BDP1: variants seen among roughly 807,000 people sequenced by gnomAD.
The protein encoded by BDP1 is BDP1 general transcription factor IIIB subunit, also known as transcription factor TFIIIB component B'' homolog.
A neutral mutation model predicts 266.6 loss-of-function variants in BDP1; 169 were observed. The ratio of observed to expected loss-of-function variants is 0.63; its 90% CI spans 0.56 to 0.72. BDP1 has a LOEUF of 0.72. BDP1 is among the 30% of genes least tolerant of loss of function. BDP1 has a pLI of 0.00. For synonymous variants in BDP1, 1,090 were observed against 1,022.4 expected (o/e 1.07, Z -1.26); for missense variants, 3,015 against 3,053.8 (o/e 0.99, Z 0.30).
In BDP1 at chr5:71,553,156, G is replaced by C. The variant is rs200098601; in HGVS notation, c.7036G>C (p.Gly2346Arg). 1,819 of 1,612,916 alleles carry C rather than the reference G, an allele frequency of 1.1e-3. 1 individual carries two copies. The highest frequency in any genetic ancestry group is 1.5e-3 in the Non-Finnish European group (1,714 of 1,179,936). The change falls in exon 35 of 39, where the codon GGT becomes CGT. Residue 2346 changes from glycine (G) to arginine (R), a missense_variant. Coordinates refer to ENST00000358731, the MANE Select transcript of BDP1 (RefSeq NM_018429.3). ...PATSVGQDAM[G>R]LSISGRDNSK... ...AACTTCAGTTGGTCAAGATGCCATG[G>C]GTTTATCTATTTCTGGAAGAGATAA...
At chr5:71,532,277 AAAATG>A (rs1452588000) in intron 25 of BDP1, 26 bp from the exon 26 acceptor site, 6 of 1,606,586 alleles carry the variant, frequency 3.7e-6, no homozygotes, top group Non-Finnish European at 3.4e-6. Context: ...ATAATATGCC[AAAATG>A]AAATGATAAA....
chr5:71,541,998 T>G, intron 29 of BDP1, 107 bp from the exon 30 acceptor site: 1 of 843,504 alleles, frequency 1.2e-6, no homozygotes, highest in Admixed American at 3.2e-5. Flanking sequence ...TTGTAGACAG[T>G]GTGGCACCTA....
chr5:71,541,806 A>G, intron 29 of BDP1, 124 bp downstream of exon 29: 1 of 641,178 alleles, frequency 1.6e-6, no homozygotes, highest in Non-Finnish European at 2.5e-6. Context: ...AGATAGACTG[A>G]TTTTGATTTT....
rs276596 is a variant in BDP1, at chr5:71,550,466, A to T, written c.6995+860A>T. 8.4e-4 allele frequency among the ~76,000 whole-genome samples: 103 copies of T among 122,800 alleles called. 2 individuals carry two copies. Among genetic ancestry groups the T allele is most frequent in the South Asian group, 1.7e-3 (6 of 3,600 alleles). 80.6% of individuals were successfully genotyped at this position (122,800 alleles called of 152,430 possible). A position where few individuals can be genotyped will look rare whatever the true frequency, so the allele number is the denominator to read the frequency against. On this transcript the variant is annotated intron_variant, in intron 34 of 38. Transcript: ENST00000358731. ...ACTGTGGTTAGCTAATTAAAAAAAA[A>T]TTTTTTTTTTCTTTTTTCAGAGGTA...
chr5:71,487,140 G>T (rs556772835), intron 9 of BDP1, among the ~76,000 whole-genome samples: 1 of 152,122 alleles, frequency 6.6e-6, no homozygotes, highest in Non-Finnish European at 1.5e-5. Context: ...GGTCTATAAG[G>T]ACAATGTTTA....
intron 7 of BDP1, among the ~76,000 whole-genome samples, chr5:71,474,408 C>T (rs1370971221): frequency 6.6e-6 from 1 of 151,884 alleles, no homozygotes; most frequent in East Asian, 1.9e-4. Flanking sequence ...CTGCAAACTC[C>T]ACCTCCCAGG....
At chr5:71,525,592 A>AC (rs1338466068) in intron 25 of BDP1, among the ~76,000 whole-genome samples, 4 of 55,500 alleles carry the variant, frequency 7.2e-5, no homozygotes, top group Admixed American at 1.7e-4. Context: ...CGGGGGGCTG[A>AC]CCCCCCAACC....
rs952662945 is a variant in BDP1 at position 71,524,436 on chromosome 5, A to G, written c.5772+113A>G. The G allele has an allele frequency of 2.6e-6, 3 of 1,140,606 alleles. No homozygotes were observed. The African/African-American group carries it at 4.7e-5, about 18-fold the overall frequency. 70.7% of individuals were successfully genotyped at this position (1,140,606 alleles called of 1,614,324 possible). On this transcript the variant is annotated intron_variant, in intron 25 of 38. Coordinates refer to ENST00000358731, the MANE Select transcript of BDP1 (RefSeq NM_018429.3). ...GTGATTATTAGGATTTGAAGAGTTC[A>G]TTCTCTAAATAACCTCTACCAAATA...
intron 34 of BDP1, among the ~76,000 whole-genome samples, chr5:71,549,868 A>C (rs1297279652): frequency 6.6e-6 from 1 of 152,260 alleles, no homozygotes; most frequent in Non-Finnish European, 1.5e-5. Flanking sequence ...AACAGTCTAG[A>C]TCATAAAATG....
At chr5:71,475,615 G>A (rs1190163314) in intron 7 of BDP1, 1 of 152,262 alleles carries the variant, frequency 6.6e-6, no homozygotes, top group Admixed American at 6.5e-5. Context: ...AACCAGGATT[G>A]GTCACACCTT....
At chr5:71,488,949 C>T (rs1294715052) in intron 9 of BDP1, among the ~76,000 whole-genome samples, 2 of 151,690 alleles carry the variant, frequency 1.3e-5, no homozygotes, top group Non-Finnish European at 2.9e-5. Flanking sequence ...CTCAGATGAT[C>T]CACCCTCCTC....
the BDP1 span, among the ~76,000 whole-genome samples, chr5:71,576,284 G>A: frequency 3.3e-5 from 5 of 152,148 alleles, no homozygotes; most frequent in Non-Finnish European, 7.3e-5. Context: ...AGGAGCATGG[G>A]CTCCAGGACC....
chr5:71,502,812 T>C, intron 15 of BDP1, 21 bp downstream of exon 15: 2 of 1,595,666 alleles, frequency 1.3e-6, no homozygotes, highest in Non-Finnish European at 1.7e-6. Flanking sequence ...TGATTCCTCC[T>C]CACATTTTTG....
At chr5:71,474,653 G>T (rs1404143797) in intron 7 of BDP1, among the ~76,000 whole-genome samples, 2 of 151,494 alleles carry the variant, frequency 1.3e-5, no homozygotes, top group Non-Finnish European at 2.9e-5. Flanking sequence ...TCCAAGACCA[G>T]CCTGGCCAAC....
At position 71,495,373 on chromosome 5, in the gene BDP1, A is replaced by C; in HGVS notation, c.1764A>C (p.Ile588=). 6.3e-7 allele frequency: 1 copy of C among 1,586,020 alleles called. No individual in the cohort carries two copies. Among genetic ancestry groups the C allele is most frequent in the Non-Finnish European group, 8.6e-7 (1 of 1,165,934 alleles). The part of the protein sequence containing the change: ...CEVNNAEGSC[I]EERNVDLKNN... Reference sequence around the variant, plus strand: ...TGAATAATGCTGAGGGTAGTTGTATAGAAGAAAGAAATGTTGACCTAAAAA... The same window carrying C: ...TGAATAATGCTGAGGGTAGTTGTATCGAAGAAAGAAATGTTGACCTAAAAA... The change falls in exon 12 of 39, where the codon ATA becomes ATC. Residue 588 remains isoleucine (I), a synonymous_variant. Transcript: ENST00000358731.
Position 71,510,662 on chromosome 5 carries a change from T to G in BDP1, c.3570T>G (p.Ile1190Met). 3 of 1,584,894 alleles carry G rather than the reference T, an allele frequency of 1.9e-6. No homozygotes were observed. Among genetic ancestry groups the G allele is most frequent in the Non-Finnish European group, 2.6e-6 (3 of 1,162,244 alleles). ...GSSREKTREV[I>M]DAAEVIETDL... ...CAAGGGAGAAGACACGAGAGGTGAT[T>G]GATGCTGCTGAGGTAATAGAGACAG... The change falls in exon 17 of 39, where the codon ATT (isoleucine) becomes ATG (methionine). Residue 1190 changes from isoleucine to methionine, a missense_variant. Coordinates refer to ENST00000358731, the MANE Select transcript of BDP1 (RefSeq NM_018429.3).
chr5:71,525,175 C>T (rs1159043806), intron 25 of BDP1, among the ~76,000 whole-genome samples: 3 of 152,104 alleles, frequency 2.0e-5, no homozygotes, highest in Admixed American at 6.5e-5. Flanking sequence ...GGGTGGTGGC[C>T]GGGCAGAGGG....
chr5:71,491,116 C>G lies in BDP1; in HGVS notation c.1625C>G (p.Pro542Arg). 1 of 1,613,640 alleles carries G rather than the reference C, an allele frequency of 6.2e-7. No homozygotes were observed. The highest frequency in any genetic ancestry group is 8.5e-7 in the Non-Finnish European group (1 of 1,179,798). The change falls in exon 11 of 39, where the codon CCC becomes CGC. Residue 542 changes from proline to arginine, a missense_variant. Physicochemically the swap from Pro to Arg is moderately radical, Grantham distance 103. Around this residue, in one of 3 missense-constraint regions of BDP1, gnomAD observed 2,383 missense variants for 2,404.9 expected, o/e 0.99. Transcript: ENST00000358731. ...GAAAAAGTTGAGAAAAGAACTGACCCCATCCTTTCATTAAGGTATTTTCTG... is the reference window on the plus strand; with the variant it reads ...GAAAAAGTTGAGAAAAGAACTGACCGCATCCTTTCATTAAGGTATTTTCTG... Reference protein sequence around the residue: ...STEKVEKRTDPILSLSNQQDA... With the variant: ...STEKVEKRTDRILSLSNQQDA...
chr5:71,504,649 G>T lies in BDP1; in HGVS notation c.2270G>T (p.Arg757Leu), dbSNP rs201610494. 12 of 1,613,312 alleles carry T rather than the reference G, an allele frequency of 7.4e-6. No individual in the cohort carries two copies. Among genetic ancestry groups the T allele is most frequent in the Non-Finnish European group, 1.0e-5 (12 of 1,179,730 alleles). Reference sequence around the variant, plus strand: ...CCTCAACACATGGAAGATCAATCGCGTAAAGATTTTGAAGAGGAAGATGTC... The same window carrying T: ...CCTCAACACATGGAAGATCAATCGCTTAAAGATTTTGAAGAGGAAGATGTC... ...DTPQHMEDQS[R>L]KDFEEEDVIL... The change falls in exon 16 of 39, where the codon CGT becomes CTT. Residue 757 changes from arginine (R) to leucine (L), a missense_variant. By Grantham distance (102) the Arg-to-Leu change is moderately radical. Around this residue, in one of 3 missense-constraint regions of BDP1, gnomAD observed 2,383 missense variants for 2,404.9 expected, o/e 0.99. Transcript: ENST00000358731.
Sources: gnomAD v4.1 joint callset for allele counts (sites outside exome capture counted in the v4.1 genomes callset) on GRCh38, gnomAD v4.1.1 for gene constraint, gnomAD v4.1.1 regional missense constraint, MANE v1.5 for transcripts, NCBI Gene and HGNC (gene_info 2026-07-23, HGNC 2026-07-21) for gene names.